The following SNTG2 variants were observed in gnomAD, a reference collection of about 807,000 sequenced individuals.
SNTG2 encodes syntrophin gamma 2.
In SNTG2, 74 loss-of-function variants were observed where a neutral mutation model predicts 70.9. The ratio of observed to expected loss-of-function variants is 1.04; its 90% CI spans 0.86 to 1.27. The LOEUF is 1.27. SNTG2 is among the 50% of genes most tolerant of loss of function. The probability of loss-of-function intolerance (pLI) is 0.00; values close to 1 mark genes in which losing one functional copy is unlikely to be tolerated. For missense variants in SNTG2, 717 were observed against 690.7 expected (o/e 1.04, Z -0.43); for synonymous variants, 278 against 273.8 (o/e 1.02, Z -0.15).
At chr2:1,154,362 C>T (rs1239347400) in intron 6 of SNTG2, among the ~76,000 whole-genome samples, 3 of 152,122 alleles carry the variant, frequency 2.0e-5, no homozygotes, top group African/African-American at 4.8e-5. Flanking sequence ...CGGGATGGGA[C>T]GCCAAAGCAC....
chr2:1,106,695 GAT>G (rs1666184031), intron 4 of SNTG2, among the ~76,000 whole-genome samples: 1 of 133,102 alleles, frequency 7.5e-6, no homozygotes, highest in Non-Finnish European at 1.6e-5. Flanking sequence ...GGTAATAGTG[GAT>G]GCGTGCTGTC....
intron 15 of SNTG2, among the ~76,000 whole-genome samples, chr2:1,309,172 T>TA (rs536930017): frequency 1.3e-5 from 2 of 152,128 alleles, no homozygotes; most frequent in Non-Finnish European, 1.5e-5. Context: ...ATACGGTTGT[T>TA]AAAAAAAATT....
At position 1,267,517 on chromosome 2, in the gene SNTG2, C is replaced by A. The variant is rs1365281884; in HGVS notation, c.1230C>A (p.Ala410=). ...ACGTGGAGCTTGGCAGCGAGCTGGC[C>A]ATGTGGGAGAAGTCCTTCCAAAGAG... ...VFNVELGSEL[A]MWEKSFQRAT... The change falls in exon 14 of 17, where the codon GCC becomes GCA. Residue 410 remains alanine (A), a synonymous_variant. Transcript: ENST00000308624. 6.2e-7 allele frequency: 1 copy of A among 1,613,652 alleles called. No individual in the cohort carries two copies. The highest frequency in any genetic ancestry group is 1.7e-5 in the Admixed American group (1 of 60,004).
chr2:1,205,023 A>G (rs1367662674), intron 8 of SNTG2, among the ~76,000 whole-genome samples: 1 of 152,224 alleles, frequency 6.6e-6, no homozygotes, highest in East Asian at 1.9e-4. Flanking sequence ...AACCAAATAG[A>G]AAAAGACCAT....
At chr2:978,999 ATGTG>A (rs1440164742) in intron 1 of SNTG2, among the ~76,000 whole-genome samples, 1 of 152,236 alleles carries the variant, frequency 6.6e-6, no homozygotes, top group Non-Finnish European at 1.5e-5. Context: ...TGAGGATTGG[ATGTG>A]TGTAAACCAA....
chr2:1,162,370 G>A (rs1670374677), intron 6 of SNTG2, among the ~76,000 whole-genome samples: 1 of 152,190 alleles, frequency 6.6e-6, no homozygotes, highest in African/African-American at 2.4e-5. Context: ...ACATACGGAA[G>A]CTGTGTGTGG....
chr2:1,198,456 A>G (rs1470873377), intron 8 of SNTG2, among the ~76,000 whole-genome samples: 1 of 151,984 alleles, frequency 6.6e-6, no homozygotes, highest in Non-Finnish European at 1.5e-5. Flanking sequence ...AGAGACACAC[A>G]TCGAAAAACG....
rs72768822 is a variant in SNTG2, at chr2:1,197,045, G to T, written c.592-12058G>T. On this transcript the variant is annotated intron_variant, in intron 8 of 16. Coordinates refer to ENST00000308624, the MANE Select transcript of SNTG2 (RefSeq NM_018968.4). The stretch of plus-strand genomic sequence containing the variant: ...GCAATGATAAACAATGAGAGAGAAA[G>T]AAAGGAAAAAATGATGTACACAACA... Among the ~76,000 whole-genome samples, 1,392 of 151,914 alleles carry T rather than the reference G, an allele frequency of 9.2e-3. 19 individuals are homozygous for T. Among genetic ancestry groups the T allele is most frequent in the Middle Eastern group, 0.027 (8 of 294 alleles).
intron 1 of SNTG2, among the ~76,000 whole-genome samples, chr2:1,004,311 A>G (rs1004083440): frequency 3.3e-5 from 5 of 152,378 alleles, no homozygotes; most frequent in African/African-American, 1.2e-4. Flanking sequence ...AGTACAATCC[A>G]TGAAAGAAAT....
At chr2:1,365,446 G>A (rs565592945) in intron 16 of SNTG2, among the ~76,000 whole-genome samples, 3 of 152,324 alleles carry the variant, frequency 2.0e-5, no homozygotes, top group African/African-American at 7.2e-5. Flanking sequence ...AAGGAAAGAT[G>A]AAGCCTTTGG....
chr2:991,332 T>C (rs766596268), intron 1 of SNTG2, among the ~76,000 whole-genome samples: 1 of 149,974 alleles, frequency 6.7e-6, no homozygotes, highest in African/African-American at 2.5e-5. Flanking sequence ...GTACATTAAA[T>C]TGAAGTTGTG....
In SNTG2 at chr2:1,185,792, G is replaced by T. The variant is rs573655925; in HGVS notation, c.591+12609G>T. ...GGTCTGTGATGGGATGGACTGCTAA[G>T]AAGGTCCCTGAAATGTCTTCAAGGC... is the stretch of plus-strand genomic sequence containing the variant. On this transcript the variant is annotated intron_variant, in intron 8 of 16. Transcript: ENST00000308624. 1.1e-4 allele frequency among the ~76,000 whole-genome samples: 17 copies of T among 152,332 alleles called. No homozygotes were observed. The East Asian group carries it at 2.3e-3, about 21-fold the overall frequency.
At chr2:1,001,470 A>G (rs1451394780) in intron 1 of SNTG2, among the ~76,000 whole-genome samples, 2 of 152,046 alleles carry the variant, frequency 1.3e-5, no homozygotes, top group South Asian at 2.1e-4. Flanking sequence ...TTATACAACA[A>G]TAATGATCAA....
chr2:1,213,632 G>T (rs1038525700), intron 9 of SNTG2, among the ~76,000 whole-genome samples: 44 of 152,310 alleles, frequency 2.9e-4, no homozygotes, highest in African/African-American at 1.1e-3. Context: ...CTGCAGGATG[G>T]CTCACACATG....
intron 15 of SNTG2, among the ~76,000 whole-genome samples, chr2:1,312,061 T>C (rs1558198276): frequency 6.6e-6 from 1 of 152,096 alleles, no homozygotes; most frequent in Non-Finnish European, 1.5e-5. Context: ...TTTCCCAGGC[T>C]GAATCCATTC....
At chr2:1,238,138 A>G (rs981813882) in intron 10 of SNTG2, 121 bp downstream of exon 10, 26 of 1,277,792 alleles carry the variant, frequency 2.0e-5, no homozygotes, top group Admixed American at 7.0e-5. Flanking sequence ...ACTTGTTTCA[A>G]TGTGTCAAAT....
chr2:1,084,335 G>A (rs1664540734), intron 2 of SNTG2, among the ~76,000 whole-genome samples: 1 of 152,148 alleles, frequency 6.6e-6, no homozygotes, highest in South Asian at 2.1e-4. Context: ...CGGGTTTCCC[G>A]AGAAGGTCCA....
At chr2:1,233,750 C>A (rs1676420009) in intron 9 of SNTG2, among the ~76,000 whole-genome samples, 2 of 152,188 alleles carry the variant, frequency 1.3e-5, no homozygotes, top group African/African-American at 4.8e-5. Flanking sequence ...GAGTATAAGT[C>A]TATTTTCAGT....
intron 1 of SNTG2, among the ~76,000 whole-genome samples, chr2:1,036,358 A>AT (rs1328379821): frequency 2.6e-5 from 4 of 151,890 alleles, no homozygotes; most frequent in Non-Finnish European, 5.9e-5. Flanking sequence ...AAGGCATAGT[A>AT]TTTTTTTCTC....
Sources: gnomAD v4.1 joint callset for allele counts (sites outside exome capture counted in the v4.1 genomes callset) on GRCh38, gnomAD v4.1.1 for gene constraint, MANE v1.5 for transcripts, NCBI Gene and HGNC (gene_info 2026-07-23, HGNC 2026-07-21) for gene names.